Variants in SCHIP1 observed in about 807,000 individuals in gnomAD.
The protein encoded by SCHIP1 is schwannomin interacting protein 1.
In SCHIP1, 8 loss-of-function variants were observed where a neutral mutation model predicts 29.7. The observed-to-expected ratio is 0.27, with a 90% CI of 0.16 to 0.49. The LOEUF is 0.49. SCHIP1 is among the 20% of genes least tolerant of loss of function. The probability of loss-of-function intolerance (pLI) is 0.99; values close to 1 mark genes in which losing one functional copy is unlikely to be tolerated. For missense variants in SCHIP1, 193 were observed against 294.6 expected, an observed-to-expected ratio of 0.66 and a Z score of 2.52; for synonymous variants, 76 against 94.9, an observed-to-expected ratio of 0.80 and a Z score of 1.16.
the SCHIP1 span, among the ~76,000 whole-genome samples, chr3:159,714,223 G>A: frequency 5.5e-4 from 84 of 152,208 alleles, no homozygotes; most frequent in African/African-American, 1.9e-3. Flanking sequence ...GTGACAGAGC[G>A]AGATCCTGTC....
chr3:159,715,096 G>C, the SCHIP1 span, among the ~76,000 whole-genome samples: 5 of 152,214 alleles, frequency 3.3e-5, no homozygotes, highest in African/African-American at 4.8e-5. Flanking sequence ...AATAGTTGTG[G>C]CTCTGCAGCC....
chr3:159,383,977 G>A, the SCHIP1 span, among the ~76,000 whole-genome samples: 1 of 150,952 alleles, frequency 6.6e-6, no homozygotes, highest in African/African-American at 2.5e-5. Flanking sequence ...ATACTTTGCT[G>A]AAGTTGCTTA....
the SCHIP1 span, among the ~76,000 whole-genome samples, chr3:159,742,374 A>C: frequency 1.7e-4 from 26 of 152,346 alleles, no homozygotes; most frequent in African/African-American, 6.0e-4. Flanking sequence ...TTTCTTCAAA[A>C]TATTGTCCAT....
the SCHIP1 span, among the ~76,000 whole-genome samples, chr3:159,316,814 G>A: frequency 5.9e-5 from 9 of 152,288 alleles, no homozygotes; most frequent in East Asian, 5.8e-4. Flanking sequence ...AAAAGGAAAT[G>A]AAGATATTTT....
At chr3:159,443,304 G>A in the SCHIP1 span, among the ~76,000 whole-genome samples, 13 of 152,222 alleles carry the variant, frequency 8.5e-5, no homozygotes, top group East Asian at 7.7e-4. Flanking sequence ...AATCTTTGGC[G>A]TTATAAGCAA....
the SCHIP1 span, among the ~76,000 whole-genome samples, chr3:159,701,154 T>C: frequency 6.6e-6 from 1 of 152,228 alleles, no homozygotes; most frequent in Non-Finnish European, 1.5e-5. Context: ...ATCATCTCTA[T>C]CTACAGAAGG....
the SCHIP1 span, among the ~76,000 whole-genome samples, chr3:159,551,972 G>T: frequency 0.011 from 1,724 of 150,530 alleles, 17 homozygotes; most frequent in Non-Finnish European, 0.015. Flanking sequence ...TACCTAATTT[G>T]CACTTGCTTG....
chr3:159,423,630 C>T, the SCHIP1 span, among the ~76,000 whole-genome samples: 59,310 of 126,394 alleles, frequency 0.47, 12,522 homozygotes, highest in East Asian at 0.59. Flanking sequence ...CTGGGGGCAG[C>T]GCACAGACAA....
the SCHIP1 span, among the ~76,000 whole-genome samples, chr3:159,636,241 T>C: frequency 1.3e-5 from 2 of 152,110 alleles, no homozygotes; most frequent in South Asian, 4.1e-4. Flanking sequence ...AGAGACGGGG[T>C]TTCACCATGT....
At chr3:159,482,522 A>C in the SCHIP1 span, among the ~76,000 whole-genome samples, 1 of 152,232 alleles carries the variant, frequency 6.6e-6, no homozygotes, top group Non-Finnish European at 1.5e-5. Context: ...ACCCTGATCT[A>C]AAGGTACTAA....
At chr3:159,806,684 A>C in the SCHIP1 span, among the ~76,000 whole-genome samples, 400 of 152,368 alleles carry the variant, frequency 2.6e-3, 1 homozygote, top group African/African-American at 9.3e-3. Context: ...ACAGCTGTTC[A>C]GTCTTGGCAG....
At chr3:159,498,596 G>A in the SCHIP1 span, among the ~76,000 whole-genome samples, 1 of 151,902 alleles carries the variant, frequency 6.6e-6, no homozygotes, top group Non-Finnish European at 1.5e-5. Flanking sequence ...CAACATTAGG[G>A]AAAGGGACAA....
chr3:159,699,361 C>T, the SCHIP1 span, among the ~76,000 whole-genome samples: 65 of 152,344 alleles, frequency 4.3e-4, 1 homozygote, highest in African/African-American at 1.6e-3. Context: ...GATCTACCAG[C>T]TCCTGAGCCT....
chr3:159,785,171 C>T, the SCHIP1 span, among the ~76,000 whole-genome samples: 28 of 152,100 alleles, frequency 1.8e-4, no homozygotes, highest in African/African-American at 6.5e-4. Context: ...TTTCTCCAGC[C>T]ACTTTTCTCC....
the SCHIP1 span, among the ~76,000 whole-genome samples, chr3:159,644,366 G>C: frequency 1.3e-5 from 2 of 152,008 alleles, no homozygotes; most frequent in African/African-American, 4.8e-5. Flanking sequence ...GTTTATCACT[G>C]ATCAGGAACT....
the SCHIP1 span, among the ~76,000 whole-genome samples, chr3:159,744,927 A>T: frequency 6.6e-6 from 1 of 152,024 alleles, no homozygotes; most frequent in Non-Finnish European, 1.5e-5. Flanking sequence ...GCTTGCAGTG[A>T]GCCGAGATTG....
intron 6 of SCHIP1, 163 bp downstream of exon 7, chr3:159,892,353 C>A: frequency 1.3e-6 from 1 of 747,730 alleles, no homozygotes; most frequent in South Asian, 1.8e-5. Context: ...AAGCAGAATT[C>A]CATTGTCCTT....
At chr3:159,764,803 G>T in the SCHIP1 span, 25 of 1,574,672 alleles carry the variant, frequency 1.6e-5, no homozygotes, top group Non-Finnish European at 2.2e-5. This position sits in a 1 kb window ranked among gnomAD's most constrained non-coding sequence, Gnocchi z 6.1. Context: ...CGCCACCACC[G>T]CCATGCCGCC....
At position 159,868,749 on chromosome 3, in the gene SCHIP1, C is replaced by T. The variant is rs565607815; in HGVS notation, c.149+2468C>T. 6.6e-5 allele frequency among the ~76,000 whole-genome samples: 10 copies of T among 152,104 alleles called. No individual in the cohort carries two copies. The East Asian group carries it at 1.2e-3, about 18-fold the overall frequency. On this transcript the variant is annotated intron_variant, in intron 2 of 6. Transcript: ENST00000445224. ...GGTTTTGCTCTTGTAAACAATGCTA[C>T]GTATAAACATTCTTGTATATGTCTT...
Sources: allele counts gnomAD v4.1 joint callset (sites outside exome capture counted in the v4.1 genomes callset), GRCh38; gene constraint gnomAD v4.1.1; non-coding constraint Gnocchi (gnomAD v3.1); transcripts MANE v1.5; gene names NCBI Gene and HGNC (gene_info 2026-07-23, HGNC 2026-07-21).